The following CETP variants were observed in gnomAD, a reference collection of about 807,000 sequenced individuals.
The protein encoded by CETP is cholesteryl ester transfer protein.
CETP carries 56 observed loss-of-function variants against 66.5 expected under a neutral mutation model. That is an observed-to-expected ratio of 0.84 (90% CI 0.68 to 1.05). The LOEUF (loss-of-function observed/expected upper bound fraction) is 1.05. CETP is among the 50% of genes least tolerant of loss of function. CETP has a pLI of 0.00. For missense variants in CETP, 612 were observed against 609.6 expected (o/e 1.00, Z -0.04); for synonymous variants, 251 against 245.7 (o/e 1.02, Z -0.20).
At chr16:56,973,654 G>C (rs752327298) in intron 9 of CETP, 144 bp downstream of exon 9, 35 of 889,860 alleles carry the variant, frequency 3.9e-5, no homozygotes, top group African/African-American at 6.6e-5. Context: ...GTGAAGTCCA[G>C]ACTGGGCACA....
chr16:56,974,291 G>C (rs1158199996), intron 9 of CETP, among the ~76,000 whole-genome samples: 2 of 151,254 alleles, frequency 1.3e-5, no homozygotes, highest in Non-Finnish European at 3.0e-5. Flanking sequence ...ATAAAAATAA[G>C]TTTAAAAATC....
Position 56,972,088 on chromosome 16 carries a change from G to A in CETP, c.750+5G>A, listed in dbSNP as rs754885066. 6.8e-6 allele frequency: 11 copies of A among 1,611,056 alleles called. No homozygotes were observed. The Admixed American group carries it at 1.2e-4, about 17-fold the overall frequency. ...TACCTGGAGTCCCATCACAAGGTAG[G>A]AGTTGTGGGAGGGTGGGGCAGGGCC... On this transcript the variant is annotated splice_donor_5th_base_variant and intron_variant, in intron 8 of 15. Coordinates refer to ENST00000200676, the MANE Select transcript of CETP (RefSeq NM_000078.3).
At chr16:56,970,434 C>T (rs1401132678) in intron 5 of CETP, among the ~76,000 whole-genome samples, 1 of 152,200 alleles carries the variant, frequency 6.6e-6, no homozygotes, top group African/African-American at 2.4e-5. Flanking sequence ...AAACTCTAGC[C>T]AAGCTAAGTA....
chr16:56,975,274 C>G (rs945970541), intron 10 of CETP, 123 bp downstream of exon 10: 7 of 835,572 alleles, frequency 8.4e-6, no homozygotes, highest in Non-Finnish European at 1.4e-5. Flanking sequence ...GAACACAGCT[C>G]CTACTCGGTT....
At chr16:56,963,162 G>C (rs1184653659) in intron 2 of CETP, 38 bp downstream of exon 2, 1 of 1,535,668 alleles carries the variant, frequency 6.5e-7, no homozygotes, top group Non-Finnish European at 9.0e-7. Flanking sequence ...CTGGGGGTAG[G>C]GAGGCGGGAG....
chr16:56,969,305 C>A, intron 2 of CETP, 81 bp from the exon 3 acceptor site: 1 of 1,583,984 alleles, frequency 6.3e-7, no homozygotes, highest in South Asian at 1.1e-5. Context: ...CTTCCACCCT[C>A]GCCTAGACAA....
In CETP at chr16:56,973,332, G is replaced by A; in HGVS notation, c.752G>A (p.Gly251Asp). The A allele has an allele frequency of 6.2e-7, 1 of 1,614,160 alleles. No homozygotes were observed. The highest frequency in any genetic ancestry group is 8.5e-7 in the Non-Finnish European group (1 of 1,180,022). ...TASYLESHHK[G>D]HFIYKNVSED... The stretch of plus-strand genomic sequence containing the variant: ...AGCCAGCGTCCTGGCTTCCTCCAGG[G>A]TCATTTCATCTACAAGAATGTCTCA... The change falls in exon 9 of 16, where the codon GGT (glycine) becomes GAT (aspartate). Residue 251 changes from glycine to aspartate, a missense_variant and splice_region_variant. By Grantham distance (94) the Gly-to-Asp change is moderately conservative. Transcript: ENST00000200676.
At chr16:56,974,125 C>A (rs2056133169) in intron 9 of CETP, among the ~76,000 whole-genome samples, 1 of 152,088 alleles carries the variant, frequency 6.6e-6, no homozygotes, top group South Asian at 2.1e-4. Context: ...GGGCTACCTG[C>A]CTTTAGTTTC....
chr16:56,980,900 C>T (rs986301322), intron 11 of CETP, among the ~76,000 whole-genome samples: 2 of 152,060 alleles, frequency 1.3e-5, no homozygotes, highest in Admixed American at 6.6e-5. Flanking sequence ...CCAGCCTGGG[C>T]AACAGAGTGA....
intron 9 of CETP, among the ~76,000 whole-genome samples, chr16:56,973,716 C>T (rs560022664): frequency 1.1e-4 from 16 of 152,298 alleles, no homozygotes; most frequent in East Asian, 7.7e-4. Flanking sequence ...TGTAGCAGGA[C>T]GAACCGCAGA....
In CETP at chr16:56,973,331, G is replaced by T. The variant is rs758374809; in HGVS notation, c.751G>T (p.Gly251Cys). 2 of 1,614,088 alleles carry T rather than the reference G, an allele frequency of 1.2e-6. No homozygotes were observed. Among genetic ancestry groups the T allele is most frequent in the Non-Finnish European group, 1.7e-6 (2 of 1,180,008 alleles). Residue 251 changes from glycine to cysteine, a missense_variant and splice_region_variant, in exon 9 of 16, where the codon GGT becomes TGT. Physicochemically the swap from Gly to Cys is radical, Grantham distance 159 (BLOSUM62 -3). Coordinates refer to ENST00000200676, the MANE Select transcript of CETP (RefSeq NM_000078.3). ...TASYLESHHK[G>C]HFIYKNVSED... Reference sequence around the variant, plus strand: ...CAGCCAGCGTCCTGGCTTCCTCCAGGGTCATTTCATCTACAAGAATGTCTC... The same window carrying T: ...CAGCCAGCGTCCTGGCTTCCTCCAGTGTCATTTCATCTACAAGAATGTCTC...
chr16:56,968,999 A>G (rs1165922326), intron 2 of CETP, among the ~76,000 whole-genome samples: 4 of 151,838 alleles, frequency 2.6e-5, no homozygotes, highest in Non-Finnish European at 5.9e-5. Context: ...CCCTGTGAGC[A>G]CGGTTCCCTC....
intron 5 of CETP, 37 bp from the exon 6 acceptor site, chr16:56,970,996 C>G: frequency 6.2e-7 from 1 of 1,607,182 alleles, no homozygotes; most frequent in Non-Finnish European, 8.5e-7. Context: ...ATGCACAGGA[C>G]TGGTCAGGGG....
At chr16:56,977,548 T>C (rs2142003496) in intron 10 of CETP, among the ~76,000 whole-genome samples, 1 of 152,226 alleles carries the variant, frequency 6.6e-6, no homozygotes, top group Non-Finnish European at 1.5e-5. Context: ...CTGGTGTGTC[T>C]CTCCTTTAAA....
chr16:56,980,241 G>T (rs1425955084), intron 11 of CETP, among the ~76,000 whole-genome samples: 2 of 152,052 alleles, frequency 1.3e-5, no homozygotes, highest in African/African-American at 2.4e-5. Context: ...GTTCTTTTTT[G>T]TTGTTGTTTG....
At chr16:56,981,758 A>T (rs1311913348) in intron 13 of CETP, 78 bp downstream of exon 13, 2 of 1,465,274 alleles carry the variant, frequency 1.4e-6, no homozygotes, top group Non-Finnish European at 9.6e-7. Context: ...GGAGGGCCCT[A>T]AAGGAAATCA....
chr16:56,966,567 G>GT (rs2056067923), intron 2 of CETP, among the ~76,000 whole-genome samples: 1 of 151,910 alleles, frequency 6.6e-6, no homozygotes, highest in South Asian at 2.1e-4. Context: ...GCCCGGCTGG[G>GT]TTTTTTTGTT....
chr16:56,974,932 G>T (rs1475425732), intron 9 of CETP, among the ~76,000 whole-genome samples, 169 bp from the exon 10 acceptor site: 2 of 152,226 alleles, frequency 1.3e-5, no homozygotes, highest in Admixed American at 1.3e-4. Flanking sequence ...CGGGACAGGG[G>T]TTCCCTGTTC....
intron 8 of CETP, 71 bp from the exon 9 acceptor site, chr16:56,973,259 CA>C (rs1377024850): frequency 1.1e-4 from 173 of 1,518,686 alleles, no homozygotes; most frequent in Non-Finnish European, 1.5e-4. Context: ...GGGCTCCTCC[CA>C]ATCTCCCTGA....
Sources: gnomAD v4.1 joint callset for allele counts (sites outside exome capture counted in the v4.1 genomes callset) on GRCh38, gnomAD v4.1.1 for gene constraint, MANE v1.5 for transcripts, NCBI Gene and HGNC (gene_info 2026-07-23, HGNC 2026-07-21) for gene names.